The following STOML3 variants were observed in gnomAD, a reference collection of about 807,000 sequenced individuals.
The protein encoded by STOML3 is stomatin-like protein 3.
STOML3 carries 31 observed loss-of-function variants against 29.5 expected under a neutral mutation model. The observed-to-expected ratio is 1.05, with a 90% CI of 0.79 to 1.42. The LOEUF (loss-of-function observed/expected upper bound fraction) is 1.42, where lower values mean the gene tolerates loss of function less well. Among genes scored for constraint, STOML3 ranks in the 40% most tolerant of loss-of-function variants. The pLI is 0.00. For synonymous variants in STOML3, 122 were observed against 139.8 expected (o/e 0.87, Z 0.90); for missense variants, 380 against 363.0 (o/e 1.05, Z -0.38).
At chr13:38,985,147 G>C (rs1868459033) in intron 1 of STOML3, among the ~76,000 whole-genome samples, 1 of 152,170 alleles carries the variant, frequency 6.6e-6, no homozygotes, top group African/African-American at 2.4e-5. Context: ...AATAGGGCAG[G>C]GCACGGTGGC....
chr13:38,980,817 TG>T (rs143567664), intron 1 of STOML3, among the ~76,000 whole-genome samples: 2,519 of 152,296 alleles, frequency 0.017, 72 homozygotes, highest in African/African-American at 0.056. Flanking sequence ...TACAATGCCT[TG>T]GTCTTTCTTT....
In STOML3 at chr13:38,966,406, G is replaced by T. The variant is rs577823866; in HGVS notation, c.*419C>A. On this transcript the variant is annotated 3_prime_UTR_variant, in exon 7 of 7. Transcript: ENST00000379631. ...TGGAGATTTAGCAAATAACAACTTC[G>T]GAATTATAAAGCGAACATATAGTGT... The T allele has an allele frequency of 6.5e-6, 1 of 153,084 alleles. No homozygotes were observed. Among genetic ancestry groups the T allele is most frequent in the Non-Finnish European group, 1.5e-5 (1 of 68,786 alleles). 9.5% of individuals were successfully genotyped at this position (153,084 alleles called of 1,614,324 possible).
At chr13:38,972,707 C>T in intron 3 of STOML3, 113 bp from the exon 4 acceptor site, 1 of 858,144 alleles carries the variant, frequency 1.2e-6, no homozygotes, top group Non-Finnish European at 1.9e-6. Context: ...CTCAGATGAT[C>T]CTCAATATGC....
At chr13:38,989,683 G>A (rs536936663) in intron 1 of STOML3, among the ~76,000 whole-genome samples, 1 of 152,124 alleles carries the variant, frequency 6.6e-6, no homozygotes, top group East Asian at 1.9e-4. Flanking sequence ...TTTTTGTAGA[G>A]ATGAGTTTTT....
At chr13:38,977,817 T>C (rs1487303768) in intron 1 of STOML3, among the ~76,000 whole-genome samples, 2 of 136,366 alleles carry the variant, frequency 1.5e-5, no homozygotes, top group Admixed American at 8.6e-5. Flanking sequence ...TGGAGTACAG[T>C]GGCGCGCTCT....
intron 1 of STOML3, chr13:38,979,994 C>A: frequency 6.6e-7 from 1 of 1,520,048 alleles, no homozygotes; most frequent in Non-Finnish European, 8.9e-7. Flanking sequence ...CCAAAGTAGA[C>A]ACAGCCTTAA....
intron 4 of STOML3, among the ~76,000 whole-genome samples, chr13:38,971,861 G>T (rs1880880292): frequency 6.6e-6 from 1 of 152,064 alleles, no homozygotes; most frequent in Admixed American, 6.5e-5. Context: ...GGAGGTAGAG[G>T]TTGCAATGAG....
intron 1 of STOML3, among the ~76,000 whole-genome samples, chr13:38,977,083 T>G (rs1401784245): frequency 6.6e-6 from 1 of 152,238 alleles, no homozygotes; most frequent in Non-Finnish European, 1.5e-5. Context: ...TGGTTTATTA[T>G]TCTCAAAACA....
In STOML3 at chr13:38,975,445, C is replaced by CAA. The variant is rs558613160; in HGVS notation, c.229+1093_229+1094dup. Among the ~76,000 whole-genome samples, 9 of 152,208 alleles carry CAA rather than the reference C, an allele frequency of 5.9e-5. No homozygotes were observed. In the South Asian group the frequency reaches 1.9e-3, roughly 32 times the overall value. On this transcript the variant is annotated intron_variant, in intron 3 of 6. Coordinates refer to ENST00000379631, the MANE Select transcript of STOML3 (RefSeq NM_145286.3). ...CAGATCCATGGCTTATGGCCAAGGG[C>CAA]AAAGCACATAGAGCATCGTGGTGCT... is the stretch of plus-strand genomic sequence containing the variant.
intron 4 of STOML3, among the ~76,000 whole-genome samples, chr13:38,971,696 G>A (rs1880872243): frequency 6.6e-6 from 1 of 152,196 alleles, no homozygotes; most frequent in South Asian, 2.1e-4. Flanking sequence ...GCCGAAGCAG[G>A]CAGATTACCT....
chr13:38,973,709 A>T (rs966634513), intron 3 of STOML3, among the ~76,000 whole-genome samples: 1 of 152,202 alleles, frequency 6.6e-6, no homozygotes, highest in Non-Finnish European at 1.5e-5. Context: ...TAAAGTTCTT[A>T]TCAGCTAGAT....
At chr13:38,976,832 T>G in intron 1 of STOML3, 35 bp from the exon 2 acceptor site, 6 of 1,570,056 alleles carry the variant, frequency 3.8e-6, no homozygotes, top group Non-Finnish European at 5.2e-6. Context: ...ATGTGATCAA[T>G]GTGGTTATTA....
At chr13:38,978,906 G>A (rs777450399) in intron 1 of STOML3, among the ~76,000 whole-genome samples, 19 of 152,114 alleles carry the variant, frequency 1.2e-4, no homozygotes, top group Non-Finnish European at 2.4e-4. Flanking sequence ...AGAACTGTTA[G>A]GTCATACAAT....
rs769450971 is a variant in STOML3, at chr13:38,970,322, C to T, written c.379G>A (p.Val127Ile). 1.5e-5 allele frequency: 24 copies of T among 1,614,030 alleles called. No individual in the cohort carries two copies. Among genetic ancestry groups the T allele is most frequent in the Non-Finnish European group, 1.9e-5 (22 of 1,180,026 alleles). ...TCGTTGACATTAGCCACTGCTGAGA[C>T]AGCACTATAGATTCTGTAATAGACA... ...GVVYYRIYSA[V>I]SAVANVNDVH... is the part of the protein sequence containing the mutation. The change falls in exon 5 of 7, where the codon GTC becomes ATC. Residue 127 changes from valine to isoleucine, a missense_variant. Val to Ile is a conservative substitution (Grantham distance 29). Coordinates refer to ENST00000379631, the MANE Select transcript of STOML3 (RefSeq NM_145286.3).
chr13:38,968,671 A>C, intron 5 of STOML3, 137 bp from the exon 6 acceptor site: 2 of 1,012,878 alleles, frequency 2.0e-6, no homozygotes, highest in South Asian at 3.5e-5. Context: ...GGAGTGAGAC[A>C]ATTTAGGAAG....
intron 1 of STOML3, chr13:38,980,044 G>T (rs904095676): frequency 6.4e-7 from 1 of 1,551,426 alleles, no homozygotes; most frequent in African/African-American, 1.4e-5. Context: ...AGAGAAAATC[G>T]CACTGACCTA....
intron 1 of STOML3, among the ~76,000 whole-genome samples, chr13:38,979,092 C>T (rs572371478): frequency 2.0e-4 from 30 of 152,274 alleles, no homozygotes; most frequent in African/African-American, 6.3e-4. Context: ...TGTATTAAAA[C>T]CTTTTGAGTA....
intron 4 of STOML3, among the ~76,000 whole-genome samples, chr13:38,971,217 G>A (rs1271195383): frequency 6.6e-6 from 1 of 152,092 alleles, no homozygotes; most frequent in African/African-American, 2.4e-5. Context: ...ATTTTTAGTA[G>A]AGATGAGGTT....
chr13:38,976,866 T>G (rs1881100581), intron 1 of STOML3, 69 bp from the exon 2 acceptor site: 1 of 1,351,064 alleles, frequency 7.4e-7, no homozygotes, highest in Non-Finnish European at 1.0e-6. Context: ...GCTGCATGGG[T>G]GTGGAACCTA....
Sources: allele counts gnomAD v4.1 joint callset (sites outside exome capture counted in the v4.1 genomes callset), GRCh38; gene constraint gnomAD v4.1.1; transcripts MANE v1.5; gene names NCBI Gene and HGNC (gene_info 2026-07-23, HGNC 2026-07-21).